Variants in PHACTR1 observed in about 807,000 individuals in gnomAD.
PHACTR1 encodes the protein phosphatase and actin regulator 1, also known as RPEL repeat containing 1.
A neutral mutation model predicts 69.2 loss-of-function variants in PHACTR1; 16 were observed. The observed-to-expected ratio is 0.23, with a 90% CI of 0.16 to 0.35. The LOEUF is 0.35. Among genes scored for constraint, PHACTR1 ranks in the 10% least tolerant of loss-of-function variants. PHACTR1 has a pLI of 1.00. For synonymous variants in PHACTR1, 312 were observed against 284.5 expected (o/e 1.10, Z -0.97); for missense variants, 510 against 734.7 (o/e 0.69, Z 3.54).
intron 4 of PHACTR1, among the ~76,000 whole-genome samples, chr6:12,975,503 A>G (rs1276712652): frequency 6.6e-6 from 1 of 152,214 alleles, no homozygotes; most frequent in Non-Finnish European, 1.5e-5. Context: ...GAGACATTTT[A>G]ACTATTAAGG....
chr6:12,758,335 G>A (rs557214990), intron 4 of PHACTR1, among the ~76,000 whole-genome samples: 6 of 151,156 alleles, frequency 4.0e-5, no homozygotes, highest in South Asian at 2.1e-4. Flanking sequence ...ACAGCTACTC[G>A]GGAGGCTGAG....
intron 8 of PHACTR1, among the ~76,000 whole-genome samples, chr6:13,206,859 C>T (rs186533302): frequency 2.6e-4 from 39 of 152,246 alleles, no homozygotes; most frequent in African/African-American, 8.4e-4. Context: ...CCTGAGTACA[C>T]GGAGAAAACC....
chr6:13,002,772 G>A (rs1307995428), intron 4 of PHACTR1, among the ~76,000 whole-genome samples: 1 of 152,184 alleles, frequency 6.6e-6, no homozygotes, highest in Non-Finnish European at 1.5e-5. Flanking sequence ...ATCTGAATAT[G>A]CAAATATGAT....
At chr6:12,986,875 A>C (rs573703135) in intron 4 of PHACTR1, among the ~76,000 whole-genome samples, 13 of 152,320 alleles carry the variant, frequency 8.5e-5, no homozygotes, top group African/African-American at 3.1e-4. Context: ...AAAGGTTTAG[A>C]GAAGTGAAAG....
intron 7 of PHACTR1, among the ~76,000 whole-genome samples, chr6:13,194,552 G>C (rs1764103479): frequency 6.6e-6 from 1 of 151,182 alleles, no homozygotes; most frequent in Non-Finnish European, 1.5e-5. Context: ...GTTAGCTGGA[G>C]AGTGACTCTC....
intron 4 of PHACTR1, among the ~76,000 whole-genome samples, chr6:12,987,776 A>C (rs1220252138): frequency 6.6e-6 from 1 of 152,230 alleles, no homozygotes; most frequent in Non-Finnish European, 1.5e-5. Context: ...AAAATTTAGA[A>C]GGGCGAAGAT....
At chr6:13,144,047 T>C (rs972231320) in intron 5 of PHACTR1, among the ~76,000 whole-genome samples, 2 of 152,160 alleles carry the variant, frequency 1.3e-5, no homozygotes, top group Non-Finnish European at 2.9e-5. Flanking sequence ...AGAAGGGAAC[T>C]TCTAAATTCT....
chr6:13,212,468 C>T (rs1766999574), intron 8 of PHACTR1, among the ~76,000 whole-genome samples: 2 of 149,452 alleles, frequency 1.3e-5, no homozygotes, highest in South Asian at 4.5e-4. Context: ...AGATCTCTGC[C>T]CTCCTGCACA....
chr6:12,929,881 C>T (rs1788682403), intron 4 of PHACTR1, among the ~76,000 whole-genome samples: 1 of 152,126 alleles, frequency 6.6e-6, no homozygotes, highest in Admixed American at 6.6e-5. Context: ...CTTGCGTAAC[C>T]ATTGTTTTAA....
intron 10 of PHACTR1, among the ~76,000 whole-genome samples, chr6:13,230,907 A>G (rs939821239): frequency 6.6e-5 from 10 of 151,984 alleles, no homozygotes; most frequent in Admixed American, 2.0e-4. Flanking sequence ...TCCCGGCTAC[A>G]TGGGAGGTTA....
At chr6:13,076,266 A>C (rs1228062089) in intron 5 of PHACTR1, among the ~76,000 whole-genome samples, 1 of 152,176 alleles carries the variant, frequency 6.6e-6, no homozygotes, top group Non-Finnish European at 1.5e-5. Flanking sequence ...AGTGATTATG[A>C]AGCATATAAA....
At chr6:12,848,403 A>G (rs940322723) in intron 4 of PHACTR1, among the ~76,000 whole-genome samples, 4 of 152,148 alleles carry the variant, frequency 2.6e-5, no homozygotes, top group African/African-American at 4.8e-5. Flanking sequence ...CTTTTCTCCT[A>G]CTATCATTTT....
intron 4 of PHACTR1, among the ~76,000 whole-genome samples, chr6:12,991,753 A>G (rs1174812423): frequency 6.6e-6 from 1 of 152,218 alleles, no homozygotes; most frequent in Non-Finnish European, 1.5e-5. Flanking sequence ...AGATAAAACT[A>G]TAATGGTTTT....
At chr6:12,753,389 C>T (rs1179108220) in intron 4 of PHACTR1, among the ~76,000 whole-genome samples, 1 of 152,186 alleles carries the variant, frequency 6.6e-6, no homozygotes, top group East Asian at 1.9e-4. Context: ...AACTGAAAAA[C>T]TCTATAATTA....
At chr6:13,106,670 G>A (rs900321854) in intron 5 of PHACTR1, among the ~76,000 whole-genome samples, 1 of 152,082 alleles carries the variant, frequency 6.6e-6, no homozygotes, top group African/African-American at 2.4e-5. Flanking sequence ...TAGAGATGGG[G>A]TCTCACTTTG....
At chr6:13,069,784 G>T (rs181555528) in intron 5 of PHACTR1, among the ~76,000 whole-genome samples, 2 of 152,234 alleles carry the variant, frequency 1.3e-5, no homozygotes, top group East Asian at 3.9e-4. Flanking sequence ...TGAAATACAC[G>T]TGACCCTTTC....
chr6:13,191,929 A>G (rs1312168024), intron 7 of PHACTR1, among the ~76,000 whole-genome samples: 2 of 152,196 alleles, frequency 1.3e-5, no homozygotes, highest in East Asian at 1.9e-4. Flanking sequence ...CAGTGCATAC[A>G]AGGACTATCT....
intron 7 of PHACTR1, among the ~76,000 whole-genome samples, chr6:13,195,972 T>C (rs1764351280): frequency 6.6e-6 from 1 of 152,090 alleles, no homozygotes; most frequent in African/African-American, 2.4e-5. Flanking sequence ...GTTTTATGGC[T>C]CTGTGACATT....
intron 4 of PHACTR1, among the ~76,000 whole-genome samples, chr6:12,781,161 G>T (rs1436452628): frequency 6.6e-6 from 1 of 152,156 alleles, no homozygotes; most frequent in Non-Finnish European, 1.5e-5. Flanking sequence ...TTCTTTAAGT[G>T]GTTTTGAGTC....
Sources: gnomAD v4.1 joint callset for allele counts (sites outside exome capture counted in the v4.1 genomes callset) on GRCh38, gnomAD v4.1.1 for gene constraint, MANE v1.5 for transcripts, NCBI Gene and HGNC (gene_info 2026-07-23, HGNC 2026-07-21) for gene names.